The following CTDSPL2 variants were observed in gnomAD, a reference collection of about 807,000 sequenced individuals.
CTDSPL2 encodes CTD small phosphatase-like protein 2.
CTDSPL2 carries 5 observed loss-of-function variants against 60.0 expected under a neutral mutation model. The observed-to-expected ratio is 0.08, with a 90% confidence interval of 0.04 to 0.18. CTDSPL2 has a LOEUF of 0.18. Among genes scored for constraint, CTDSPL2 ranks in the 10% least tolerant of loss-of-function variants. CTDSPL2 has a pLI of 1.00. For synonymous variants in CTDSPL2, 186 were observed against 189.3 expected (o/e 0.98, Z 0.14); for missense variants, 370 against 548.8 (o/e 0.67, Z 3.26).
At position 44,466,720 on chromosome 15, in the gene CTDSPL2, G is replaced by A. The variant is rs148781480; in HGVS notation, c.186+7520G>A. Among the ~76,000 whole-genome samples, 1,301 of 151,868 alleles carry A rather than the reference G, an allele frequency of 8.6e-3. 9 individuals are homozygous for A. The highest frequency in any genetic ancestry group is 0.014 in the Non-Finnish European group (934 of 67,938). ...AGCACTTTGGGAGGCCGAGGCGGGC[G>A]GATCATGAGGTCAGGAGATCGAGAC... On this transcript the variant is annotated intron_variant, in intron 2 of 12. Transcript: ENST00000260327.
rs1409555238 is a variant in CTDSPL2, at chr15:44,527,361, C to G, written c.*3187C>G. 1 of 151,924 alleles carries G rather than the reference C, an allele frequency of 6.6e-6. No individual in the cohort carries two copies. Among genetic ancestry groups the G allele is most frequent in the Non-Finnish European group, 1.5e-5 (1 of 67,882 alleles). The allele number at this position is 151,924 out of a possible 1,614,324, so 9.4% of individuals were successfully genotyped here. On this transcript the variant is annotated 3_prime_UTR_variant, in exon 13 of 13. Transcript: ENST00000260327. ...GACTTTTTCATCTAGATCTTACTTTCATTCAACCTTCTAAAGAAGTTCGTT... is the reference window on the plus strand; with the variant it reads ...GACTTTTTCATCTAGATCTTACTTTGATTCAACCTTCTAAAGAAGTTCGTT...
At chr15:44,481,074 G>A (rs1387858045) in intron 2 of CTDSPL2, among the ~76,000 whole-genome samples, 1 of 152,144 alleles carries the variant, frequency 6.6e-6, no homozygotes, top group African/African-American at 2.4e-5. Flanking sequence ...CATGGCTCAT[G>A]CCTGTAATCC....
At chr15:44,501,431 A>G (rs1199052708) in intron 8 of CTDSPL2, among the ~76,000 whole-genome samples, 1 of 152,114 alleles carries the variant, frequency 6.6e-6, no homozygotes, top group African/African-American at 2.4e-5. Flanking sequence ...CTTCAGTATG[A>G]TCATAAAATT....
intron 5 of CTDSPL2, among the ~76,000 whole-genome samples, chr15:44,494,890 T>C (rs1008347734): frequency 6.6e-6 from 1 of 152,192 alleles, no homozygotes; most frequent in African/African-American, 2.4e-5. Context: ...CACTCCAGCC[T>C]GGGCAACAGA....
intron 1 of CTDSPL2, 174 bp downstream of exon 1, chr15:44,427,946 G>T (rs2141239847): frequency 5.7e-6 from 2 of 348,926 alleles, no homozygotes; most frequent in Non-Finnish European, 5.1e-6. Context: ...AGCCGCTCCT[G>T]TCTGGACTTT....
At chr15:44,516,112 G>C (rs1395849174) in intron 10 of CTDSPL2, among the ~76,000 whole-genome samples, 1 of 151,302 alleles carries the variant, frequency 6.6e-6, no homozygotes, top group Non-Finnish European at 1.5e-5. Context: ...GACTACAGGT[G>C]TGTGCCACCA....
Position 44,519,306 on chromosome 15 carries a change from A to T in CTDSPL2, c.1239+11A>T, listed in dbSNP as rs143279715. ...GCCTTTGCATATCAGGTAGGAAGAAAGTTGATAAACAAACTCAGATTGGAA... is the reference window on the plus strand; with the variant it reads ...GCCTTTGCATATCAGGTAGGAAGAATGTTGATAAACAAACTCAGATTGGAA... On this transcript the variant is annotated intron_variant, in intron 11 of 12. Coordinates refer to ENST00000260327, the MANE Select transcript of CTDSPL2 (RefSeq NM_016396.3). 2 of 1,542,046 alleles carry T rather than the reference A, an allele frequency of 1.3e-6. No individual in the cohort carries two copies. Among genetic ancestry groups the T allele is most frequent in the Non-Finnish European group, 1.7e-6 (2 of 1,155,594 alleles).
chr15:44,479,265 A>G (rs1204491452), intron 2 of CTDSPL2, among the ~76,000 whole-genome samples: 1 of 151,986 alleles, frequency 6.6e-6, no homozygotes, highest in Non-Finnish European at 1.5e-5. Flanking sequence ...CTTATAAGGT[A>G]TAATCTTTTG....
intron 2 of CTDSPL2, among the ~76,000 whole-genome samples, chr15:44,475,815 A>G (rs2140755750): frequency 6.6e-6 from 1 of 152,312 alleles, no homozygotes; most frequent in Non-Finnish European, 1.5e-5. Flanking sequence ...TGTCTCATCT[A>G]TTTAAGTATG....
At chr15:44,465,773 G>A (rs890909612) in intron 2 of CTDSPL2, among the ~76,000 whole-genome samples, 3 of 148,252 alleles carry the variant, frequency 2.0e-5, no homozygotes, top group Non-Finnish European at 4.4e-5. Context: ...GAGTGCAGTG[G>A]TACAATCTGG....
At chr15:44,513,349 C>T (rs894902237) in intron 8 of CTDSPL2, among the ~76,000 whole-genome samples, 3 of 151,960 alleles carry the variant, frequency 2.0e-5, no homozygotes, top group Admixed American at 2.0e-4. Flanking sequence ...CACCTGTAAT[C>T]CCAGCTACTC....
intron 8 of CTDSPL2, among the ~76,000 whole-genome samples, chr15:44,508,512 T>C (rs1019574657): frequency 6.6e-6 from 1 of 152,220 alleles, no homozygotes; most frequent in Non-Finnish European, 1.5e-5. Flanking sequence ...AGAAAACAGA[T>C]GTCATACTCT....
At chr15:44,466,733 A>G (rs1043637344) in intron 2 of CTDSPL2, among the ~76,000 whole-genome samples, 3 of 151,408 alleles carry the variant, frequency 2.0e-5, no homozygotes, top group Admixed American at 6.6e-5. Context: ...TCATGAGGTC[A>G]GGAGATCGAG....
intron 1 of CTDSPL2, among the ~76,000 whole-genome samples, chr15:44,453,727 C>T (rs2080377786): frequency 6.6e-6 from 1 of 152,104 alleles, no homozygotes; most frequent in African/African-American, 2.4e-5. Context: ...TTTCCAATTT[C>T]ATCCATGTCC....
At chr15:44,456,881 T>G (rs58704160) in intron 1 of CTDSPL2, among the ~76,000 whole-genome samples, 4,215 of 146,060 alleles carry the variant, frequency 0.029, 177 homozygotes, top group East Asian at 0.12. Flanking sequence ...TTTTTTTGTT[T>G]TTTTTTCTTT....
At chr15:44,514,497 A>G (rs772664360) in intron 8 of CTDSPL2, 101 bp from the exon 9 acceptor site, 299 of 746,812 alleles carry the variant, frequency 4.0e-4, no homozygotes, top group Middle Eastern at 8.5e-4. Flanking sequence ...TAAAACATGA[A>G]CTTTTTCATT....
rs143196242 is a variant in CTDSPL2 at position 44,515,930 on chromosome 15, T to C, written c.1112+1086T>C. Among the ~76,000 whole-genome samples the C allele has an allele frequency of 1.7e-3, 262 of 151,432 alleles. 1 individual carries two copies. The highest frequency in any genetic ancestry group is 6.0e-3 in the African/African-American group (247 of 41,386). On this transcript the variant is annotated intron_variant, in intron 10 of 12. Transcript: ENST00000260327. ...GGTTGGTTCGTTCGTTCTTTCTCTC[T>C]CTCTTTCTTTCTTTCTTTCTCTCCT... is the stretch of plus-strand genomic sequence containing the variant.
chr15:44,441,211 A>G lies in CTDSPL2; in HGVS notation c.-25+13439A>G, dbSNP rs532127170. Reference sequence around the variant, plus strand: ...GGGTCCAACACTGTTTCCTTCCCCTACAGTGGTAGAGTTTTTTTTTCTTTC... The same window carrying G: ...GGGTCCAACACTGTTTCCTTCCCCTGCAGTGGTAGAGTTTTTTTTTCTTTC... On this transcript the variant is annotated intron_variant, in intron 1 of 12. Coordinates refer to ENST00000260327, the MANE Select transcript of CTDSPL2 (RefSeq NM_016396.3). Among the ~76,000 whole-genome samples the G allele has an allele frequency of 2.6e-5, 4 of 152,000 alleles. No individual in the cohort carries two copies. The East Asian group carries it at 5.8e-4, about 22-fold the overall frequency.
chr15:44,490,586 A>G (rs2081197085), intron 4 of CTDSPL2, among the ~76,000 whole-genome samples, 198 bp from the exon 5 acceptor site: 1 of 152,210 alleles, frequency 6.6e-6, no homozygotes, highest in African/African-American at 2.4e-5. Flanking sequence ...CTTTGCTCAC[A>G]AATGTTACTC....
Sources: gnomAD v4.1 joint callset for allele counts (sites outside exome capture counted in the v4.1 genomes callset) on GRCh38, gnomAD v4.1.1 for gene constraint, MANE v1.5 for transcripts, NCBI Gene and HGNC (gene_info 2026-07-23, HGNC 2026-07-21) for gene names.